CDK10: variants seen among roughly 807,000 people sequenced by gnomAD.
The protein encoded by CDK10 is cyclin dependent kinase 10.
In CDK10, 55 loss-of-function variants were observed where a neutral mutation model predicts 51.0. The observed-to-expected ratio is 1.08, with a 90% CI of 0.87 to 1.35. The LOEUF is 1.35. CDK10 is among the 40% of genes most tolerant of loss of function. The pLI is 0.00. For missense variants in CDK10, 589 were observed against 485.1 expected (o/e 1.21, Z -2.01); for synonymous variants, 255 against 199.1 (o/e 1.28, Z -2.36).
chr16:89,690,242 C>T (rs568126435), intron 2 of CDK10: 7 of 411,514 alleles, frequency 1.7e-5, no homozygotes, highest in Admixed American at 3.9e-5. Flanking sequence ...TACAAGAGAG[C>T]ACAAAGCAGT....
At chr16:89,691,706 C>A in intron 4 of CDK10, 100 bp from the exon 5 acceptor site, 1 of 1,309,314 alleles carries the variant, frequency 7.6e-7, no homozygotes, top group Non-Finnish European at 1.1e-6. Context: ...GAGGGGGACA[C>A]AGGTTGTCCT....
chr16:89,690,183 T>G, intron 2 of CDK10: 1 of 233,090 alleles, frequency 4.3e-6, no homozygotes, highest in Non-Finnish European at 8.5e-6. Context: ...TCACACAAAA[T>G]AAGGTTTGCT....
intron 11 of CDK10, 69 bp from the exon 12 acceptor site, chr16:89,695,224 C>CT: frequency 7.1e-6 from 11 of 1,550,254 alleles, no homozygotes; most frequent in Non-Finnish European, 8.8e-6. Flanking sequence ...GAATCACAGG[C>CT]TGCTCAGCTG....
rs1567523362 is a variant in CDK10, at chr16:89,694,522, GC to G, written c.669-141del. On this transcript the variant is annotated intron_variant, in intron 9 of 12. Coordinates refer to ENST00000353379, the MANE Select transcript of CDK10 (RefSeq NM_052988.5). The stretch of plus-strand genomic sequence containing the variant: ...CCCAGGAGGGGAGCCAGTGGTCCCT[GC>G]CTGTCCTTCACAGTGTCCCTGACCC... The G allele has an allele frequency of 4.2e-6, 6 of 1,439,382 alleles. No individual in the cohort carries two copies. In the East Asian group the frequency reaches 7.4e-5, roughly 18 times the overall value. 89.2% of individuals were successfully genotyped at this position (1,439,382 alleles called of 1,614,324 possible).
intron 6 of CDK10, 21 bp from the exon 7 acceptor site, chr16:89,693,253 G>C: frequency 6.2e-7 from 1 of 1,613,778 alleles, no homozygotes; most frequent in Non-Finnish European, 8.5e-7. Context: ...GGAGCCACCT[G>C]CCACTGTTTT....
Position 89,695,947 on chromosome 16 carries a change from C to T in CDK10, c.*255C>T. On this transcript the variant is annotated 3_prime_UTR_variant, in exon 13 of 13. Transcript: ENST00000353379. Reference sequence around the variant, plus strand: ...GGTCTGGCGGCTCCATCCGTGGCTGCAGGGGTCTCATGTGGTCCTCCTCGC... The same window carrying T: ...GGTCTGGCGGCTCCATCCGTGGCTGTAGGGGTCTCATGTGGTCCTCCTCGC... 7.3e-6 allele frequency: 5 copies of T among 685,118 alleles called. No individual in the cohort carries two copies. Among genetic ancestry groups the T allele is most frequent in the Non-Finnish European group, 1.3e-5 (5 of 398,346 alleles). 42.4% of individuals were successfully genotyped at this position (685,118 alleles called of 1,614,324 possible).
intron 3 of CDK10, among the ~76,000 whole-genome samples, 187 bp from the exon 4 acceptor site, chr16:89,691,256 G>T (rs1319189621): frequency 6.6e-6 from 1 of 152,020 alleles, no homozygotes; most frequent in Non-Finnish European, 1.5e-5. Flanking sequence ...TTGCACTCCA[G>T]CCTGGGCAAC....
chr16:89,695,898 C>T lies in CDK10; in HGVS notation c.*206C>T. 1.7e-6 allele frequency: 2 copies of T among 1,145,480 alleles called. No individual in the cohort carries two copies. Among genetic ancestry groups the T allele is most frequent in the South Asian group, 1.4e-5 (1 of 72,988 alleles). 71.0% of individuals were successfully genotyped at this position (1,145,480 alleles called of 1,614,324 possible). A position where few individuals can be genotyped will look rare whatever the true frequency, so the allele number is the denominator to read the frequency against. On this transcript the variant is annotated 3_prime_UTR_variant, in exon 13 of 13. Transcript: ENST00000353379. ...AGGCCGGGTGACACCGGGGGGCTCC[C>T]AGCCCGTGCACCCTGGAAGGGCAGG...
Position 89,695,026 on chromosome 16 carries a change from G to T in CDK10, c.888G>T (p.Gly296=), listed in dbSNP as rs749925375. 2.5e-6 allele frequency: 4 copies of T among 1,613,130 alleles called. No homozygotes were observed. Among genetic ancestry groups the T allele is most frequent in the African/African-American group, 1.3e-5 (1 of 74,950 alleles). Reference sequence around the variant, plus strand: ...AGTTCCCATGGCTGTCGGAGGCCGGGCTGCGCCTGCTGCACTTCCTGTTCA... The same window carrying T: ...AGTTCCCATGGCTGTCGGAGGCCGGTCTGCGCCTGCTGCACTTCCTGTTCA... ...KHKFPWLSEA[G]LRLLHFLFMY... is the part of the protein sequence containing the mutation. The change falls in exon 11 of 13, where the codon GGG becomes GGT. Residue 296 remains glycine, a synonymous_variant. Coordinates refer to ENST00000353379, the MANE Select transcript of CDK10 (RefSeq NM_052988.5).
In CDK10 at chr16:89,694,849, CCCCGCCCGTGCCCACGCCCTCTGCG is replaced by C. The variant is rs2060632702; in HGVS notation, c.792+67_793-52del. 5.7e-5 allele frequency: 86 copies of C among 1,520,914 alleles called. 1 individual carries two copies. The South Asian group carries it at 1.0e-3, about 18-fold the overall frequency. The allele number at this position is 1,520,914 out of a possible 1,614,324, so 94.2% of individuals were successfully genotyped here. On this transcript the variant is annotated intron_variant, in intron 10 of 12. Coordinates refer to ENST00000353379, the MANE Select transcript of CDK10 (RefSeq NM_052988.5). ...TGCCCACGCCCTCTGCGCCCGCAGC[CCCCGCCCGTGCCCACGCCCTCTGCG>C]CCCGCAGCCCCCGCCCGTGCCCACG...
At position 89,693,295 on chromosome 16, in the gene CDK10, G is replaced by A. The variant is rs1212265268; in HGVS notation, c.507G>A (p.Leu169=). The A allele has an allele frequency of 1.9e-6, 3 of 1,614,020 alleles. No individual in the cohort carries two copies. The highest frequency in any genetic ancestry group is 2.5e-6 in the Non-Finnish European group (3 of 1,180,046). ...IIHRDLKVSN[L]LMTDKGCVKT... is the part of the protein sequence containing the mutation. ...ACAGGGACCTGAAGGTTTCCAACTT[G>A]CTCATGACCGACAAGGGTTGTGTGA... Residue 169 remains leucine (L), a synonymous_variant, in exon 7 of 13, where the codon TTG becomes TTA. Coordinates refer to ENST00000353379, the MANE Select transcript of CDK10 (RefSeq NM_052988.5).
intron 9 of CDK10, 149 bp downstream of exon 9, chr16:89,694,381 C>A: frequency 1.1e-6 from 1 of 932,484 alleles, no homozygotes; most frequent in Non-Finnish European, 1.7e-6. Context: ...TGGGCCTGAG[C>A]CTGGAAACCC....
At chr16:89,687,483 C>T (rs1452611984) in intron 1 of CDK10, 5 of 456,140 alleles carry the variant, frequency 1.1e-5, no homozygotes, top group Admixed American at 7.0e-5. Context: ...CCACACTTTA[C>T]TCATCCAGAC....
At chr16:89,692,006 T>C in intron 5 of CDK10, 119 bp downstream of exon 5, 1 of 782,266 alleles carries the variant, frequency 1.3e-6, no homozygotes, top group Non-Finnish European at 2.1e-6. Context: ...TGCCTCCACC[T>C]CCCAGTGTTT....
At chr16:89,690,681 A>G in intron 3 of CDK10, 57 bp downstream of exon 3, 1 of 1,417,644 alleles carries the variant, frequency 7.1e-7, no homozygotes, top group Non-Finnish European at 1.0e-6. Flanking sequence ...GAAGGATGTG[A>G]GTTACCTGAA....
intron 2 of CDK10, 48 bp downstream of exon 2, chr16:89,689,372 A>G (rs2060340349): frequency 1.3e-6 from 2 of 1,549,208 alleles, no homozygotes; most frequent in African/African-American, 2.7e-5. Flanking sequence ...TGGCTGTGAC[A>G]GTGTGGGACG....
At chr16:89,692,856 C>T (rs1347449480) in intron 6 of CDK10, among the ~76,000 whole-genome samples, 3 of 149,636 alleles carry the variant, frequency 2.0e-5, no homozygotes, top group African/African-American at 7.5e-5. Flanking sequence ...AAAGATACTA[C>T]GCCGGGCACA....
chr16:89,691,226 G>A lies in CDK10; in HGVS notation c.233-217G>A, dbSNP rs147710558. ...CTTGAACCCGGGAGGCAGAGGTTGC[G>A]GTGAGCCGAGATGGTGCCATTGCAC... On this transcript the variant is annotated intron_variant, in intron 3 of 12. Coordinates refer to ENST00000353379, the MANE Select transcript of CDK10 (RefSeq NM_052988.5). 5.4e-3 allele frequency among the ~76,000 whole-genome samples: 818 copies of A among 152,138 alleles called. 6 individuals carry two copies. Among genetic ancestry groups the A allele is most frequent in the African/African-American group, 0.019 (793 of 41,482 alleles).
In CDK10 at chr16:89,693,545, A is replaced by C. The variant is rs182049711; in HGVS notation, c.608+78A>C. On this transcript the variant is annotated intron_variant, in intron 8 of 12. Transcript: ENST00000353379. Reference sequence around the variant, plus strand: ...GGTCTCCTTGGGGATGTCAGGCCGAAGCTGCAACTGGCCTTGGGAATGTTA... The same window carrying C: ...GGTCTCCTTGGGGATGTCAGGCCGACGCTGCAACTGGCCTTGGGAATGTTA... The C allele has an allele frequency of 1.6e-4, 226 of 1,416,930 alleles. No homozygotes were observed. In the African/African-American group the frequency reaches 3.0e-3, roughly 19 times the overall value. The allele number at this position is 1,416,930 out of a possible 1,614,324, so 87.8% of individuals were successfully genotyped here.
Sources: allele counts gnomAD v4.1 joint callset (sites outside exome capture counted in the v4.1 genomes callset), GRCh38; gene constraint gnomAD v4.1.1; transcripts MANE v1.5; gene names NCBI Gene and HGNC (gene_info 2026-07-23, HGNC 2026-07-21).